VRK2: variants seen among roughly 807,000 people sequenced by gnomAD.
The protein encoded by VRK2 is serine/threonine-protein kinase VRK2.
In VRK2, 60 loss-of-function variants were observed where a neutral mutation model predicts 57.6. The observed-to-expected ratio is 1.04, with a 90% CI of 0.85 to 1.29. VRK2 has a LOEUF of 1.29. Among genes scored for constraint, VRK2 ranks in the 50% most tolerant of loss-of-function variants. The probability of loss-of-function intolerance (pLI) is 0.00; values close to 1 mark genes in which losing one functional copy is unlikely to be tolerated. For synonymous variants in VRK2, 231 were observed against 199.2 expected (o/e 1.16, Z -1.35); for missense variants, 705 against 588.1 (o/e 1.20, Z -2.06).
At chr2:58,054,521 T>C (rs1676229086) in intron 2 of VRK2, among the ~76,000 whole-genome samples, 2 of 152,096 alleles carry the variant, frequency 1.3e-5, no homozygotes, top group Non-Finnish European at 2.9e-5. Context: ...GAAATATGGA[T>C]AGACTTCTGC....
intron 1 of VRK2, among the ~76,000 whole-genome samples, chr2:57,931,814 CT>C (rs55860900): frequency 0.025 from 3,632 of 143,362 alleles, 101 homozygotes; most frequent in African/African-American, 0.064. Flanking sequence ...GATCAACTTT[CT>C]TTTTTTTTTT....
chr2:57,988,895 C>G (rs1040810548), intron 1 of VRK2, among the ~76,000 whole-genome samples: 4 of 152,100 alleles, frequency 2.6e-5, no homozygotes, highest in Admixed American at 2.0e-4. Flanking sequence ...TCTGGAGAAC[C>G]CTGATTAATA....
chr2:57,960,954 T>A (rs1011965443), intron 1 of VRK2, among the ~76,000 whole-genome samples: 1 of 152,216 alleles, frequency 6.6e-6, no homozygotes, highest in African/African-American at 2.4e-5. Flanking sequence ...CTGGGTAGCA[T>A]GCATTTATTC....
At chr2:58,075,219 C>T (rs78323352) in intron 2 of VRK2, among the ~76,000 whole-genome samples, 10,438 of 152,020 alleles carry the variant, frequency 0.069, 441 homozygotes, top group Non-Finnish European at 0.093. Flanking sequence ...GCAAAGGACA[C>T]GATCTGATTC....
intron 3 of VRK2, among the ~76,000 whole-genome samples, chr2:58,036,222 G>A (rs1184395506): frequency 2.6e-5 from 4 of 151,748 alleles, no homozygotes; most frequent in African/African-American, 9.7e-5. Context: ...AAGCAGTATT[G>A]TATATCCTTT....
intron 2 of VRK2, among the ~76,000 whole-genome samples, chr2:58,057,853 T>C (rs79879377): frequency 2.0e-5 from 3 of 152,080 alleles, no homozygotes; most frequent in Non-Finnish European, 2.9e-5. Context: ...CATTTTTTTT[T>C]TGTATCAGGC....
At chr2:58,096,584 A>G (rs1004655689) in intron 7 of VRK2, among the ~76,000 whole-genome samples, 1 of 151,812 alleles carries the variant, frequency 6.6e-6, no homozygotes, top group Non-Finnish European at 1.5e-5. Context: ...TAGTTATTTT[A>G]AACTTTATTT....
At chr2:57,976,149 T>C (rs532377461) in intron 1 of VRK2, among the ~76,000 whole-genome samples, 1 of 152,284 alleles carries the variant, frequency 6.6e-6, no homozygotes, top group East Asian at 1.9e-4. Context: ...CACATTTCTT[T>C]ATTCAGTCCA....
chr2:58,012,577 G>T (rs183571452), intron 1 of VRK2, among the ~76,000 whole-genome samples: 1 of 152,296 alleles, frequency 6.6e-6, no homozygotes, highest in East Asian at 1.9e-4. Context: ...GGGGGGATAG[G>T]GCTGAAAGTT....
At chr2:58,015,870 T>C (rs147728546) in intron 1 of VRK2, among the ~76,000 whole-genome samples, 15 of 152,320 alleles carry the variant, frequency 9.8e-5, no homozygotes, top group African/African-American at 2.6e-4. Flanking sequence ...AAGTTCTTGA[T>C]CTCTGTCTTC....
Position 58,017,430 on chromosome 2 carries a change from G to T in VRK2, c.-438-8235G>T, listed in dbSNP as rs951354908. On this transcript the variant is annotated intron_variant, in intron 1 of 15. Transcript: ENST00000417641. Reference sequence around the variant, plus strand: ...CAGGCAAACTTCCTCCATCATAACTGCCTAATCAGAGACTAGTTATTATGG... The same window carrying T: ...CAGGCAAACTTCCTCCATCATAACTTCCTAATCAGAGACTAGTTATTATGG... 5.9e-5 allele frequency among the ~76,000 whole-genome samples: 9 copies of T among 152,140 alleles called. 1 individual carries two copies. Among genetic ancestry groups the T allele is most frequent in the African/African-American group, 2.2e-4 (9 of 41,426 alleles).
chr2:57,997,381 G>A (rs915224508), intron 1 of VRK2, among the ~76,000 whole-genome samples: 1 of 152,086 alleles, frequency 6.6e-6, no homozygotes, highest in African/African-American at 2.4e-5. Flanking sequence ...AATATCCTCA[G>A]TGATGGGGAG....
chr2:58,049,936 C>T (rs1183590759), intron 2 of VRK2, among the ~76,000 whole-genome samples: 1 of 151,972 alleles, frequency 6.6e-6, no homozygotes, highest in East Asian at 1.9e-4. Context: ...TTATTAAATA[C>T]TTAAGTGTCT....
At chr2:58,085,011 T>C (rs1671424379) in intron 4 of VRK2, 61 bp downstream of exon 4, 3 of 1,467,838 alleles carry the variant, frequency 2.0e-6, no homozygotes, top group Non-Finnish European at 2.7e-6. Flanking sequence ...TGAGTGTTGA[T>C]ATTTTGGTCT....
In VRK2 at chr2:58,086,440, A is replaced by G; in HGVS notation, c.344+14A>G. 6.4e-7 allele frequency: 1 copy of G among 1,561,156 alleles called. No homozygotes were observed. The highest frequency in any genetic ancestry group is 8.6e-7 in the Non-Finnish European group (1 of 1,156,072). ...CAAGGGAAGAAGGTAAAATGGAATT[A>G]TTATAATCAAATATTTCTTTATAAC... On this transcript the variant is annotated intron_variant, in intron 5 of 12. Transcript: ENST00000340157.
At chr2:58,102,975 C>A (rs367863370) in intron 7 of VRK2, among the ~76,000 whole-genome samples, 1 of 151,620 alleles carries the variant, frequency 6.6e-6, no homozygotes, top group Non-Finnish European at 1.5e-5. Context: ...ACAACACATT[C>A]CTCGCTGATC....
At chr2:58,024,915 T>C (rs1273576722) in intron 1 of VRK2, among the ~76,000 whole-genome samples, 1 of 152,192 alleles carries the variant, frequency 6.6e-6, no homozygotes, top group African/African-American at 2.4e-5. Context: ...AAAAAACCTT[T>C]ACCAGAAACC....
chr2:58,010,097 T>C (rs1673375215), intron 1 of VRK2, among the ~76,000 whole-genome samples: 1 of 152,134 alleles, frequency 6.6e-6, no homozygotes, highest in Admixed American at 6.5e-5. Flanking sequence ...TTATCTCCAC[T>C]ACCTGGCTCC....
chr2:57,959,168 G>A (rs1382359111), intron 1 of VRK2, among the ~76,000 whole-genome samples: 2 of 152,088 alleles, frequency 1.3e-5, no homozygotes, highest in Non-Finnish European at 2.9e-5. Context: ...ACAAATTTGG[G>A]TGTTCTATCT....
Sources: allele counts gnomAD v4.1 joint callset (sites outside exome capture counted in the v4.1 genomes callset), GRCh38; gene constraint gnomAD v4.1.1; transcripts MANE v1.5; gene names NCBI Gene and HGNC (gene_info 2026-07-23, HGNC 2026-07-21).